Variants in KIF4A observed in about 807,000 individuals in gnomAD.
The protein encoded by KIF4A is kinesin family member 4A.
KIF4A carries 7 observed loss-of-function variants against 105.9 expected under a neutral mutation model. That is an observed-to-expected ratio of 0.07 (90% confidence interval 0.04 to 0.12). KIF4A has a LOEUF of 0.12. Among genes scored for constraint, KIF4A ranks in the 10% least tolerant of loss-of-function variants. The pLI, the probability that KIF4A is intolerant of heterozygous loss-of-function variation, is 1.00. For missense variants in KIF4A, 558 were observed against 929.2 expected, an observed-to-expected ratio of 0.60 and a Z score of 5.19; for synonymous variants, 281 against 331.3, an observed-to-expected ratio of 0.85 and a Z score of 1.65.
At chrX:70,359,154 ATC>A (rs2086063659) in intron 15 of KIF4A, among the ~76,000 whole-genome samples, 1 of 111,999 alleles carries the variant, frequency 8.9e-6, no homozygotes, top group African/African-American at 3.2e-5. Context: ...GTTTGTTGAT[ATC>A]TCTCAACTGC....
chrX:70,358,270 C>T (rs897529713), intron 15 of KIF4A, among the ~76,000 whole-genome samples: 5 of 85,602 alleles, frequency 5.8e-5, no homozygotes, highest in African/African-American at 1.8e-4. Flanking sequence ...GAAATTTGTA[C>T]TCCTTTCTGG....
chrX:70,304,109 T>G (rs1212976372), intron 7 of KIF4A, among the ~76,000 whole-genome samples: 2 of 70,136 alleles, frequency 2.9e-5, no homozygotes, highest in Non-Finnish European at 5.1e-5. Context: ...CCCACAACAG[T>G]CCGCAGAGTG....
chrX:70,334,225 C>T (rs772443554), intron 10 of KIF4A, among the ~76,000 whole-genome samples: 7 of 111,952 alleles, frequency 6.3e-5, no homozygotes, highest in Non-Finnish European at 1.3e-4. Flanking sequence ...GATTTGGGTA[C>T]TAGCGCCAGC....
intron 20 of KIF4A, among the ~76,000 whole-genome samples, chrX:70,391,933 C>T (rs930550884): frequency 5.2e-5 from 5 of 96,596 alleles, no homozygotes; most frequent in Non-Finnish European, 8.5e-5. Context: ...ATTCATGTTA[C>T]TACAAAGGAT....
At chrX:70,395,887 C>T in intron 21 of KIF4A, 61 bp downstream of exon 21, 1 of 1,195,762 alleles carries the variant, frequency 8.4e-7, no homozygotes, top group Non-Finnish European at 1.1e-6. Context: ...CAGAAATCCT[C>T]ATAGCTTTGG....
chrX:70,380,149 C>CA (rs900261867), intron 18 of KIF4A, among the ~76,000 whole-genome samples: 24 of 109,473 alleles, frequency 2.2e-4, no homozygotes, highest in East Asian at 5.7e-4. Flanking sequence ...ACTGAAAATA[C>CA]AAAAAAAAAT....
chrX:70,387,180 T>C lies in KIF4A; in HGVS notation c.2119-4T>C. 8.8e-7 allele frequency: 1 copy of C among 1,131,060 alleles called. No homozygotes were observed. The highest frequency in any genetic ancestry group is 1.2e-6 in the Non-Finnish European group (1 of 840,559). The allele number at this position is 1,131,060 out of a possible 1,213,427, so 93.2% of individuals were successfully genotyped here. ...CAACATTACTATGTGCCAATTTTAT[T>C]TAGGCAGCAGCTGCCAACAAGCGTC... On this transcript the variant is annotated splice_region_variant and splice_polypyrimidine_tract_variant and intron_variant, in intron 19 of 30. Coordinates refer to ENST00000374403, the MANE Select transcript of KIF4A (RefSeq NM_012310.5).
intron 13 of KIF4A, among the ~76,000 whole-genome samples, chrX:70,350,527 G>C (rs1230578297): frequency 1.8e-5 from 2 of 109,159 alleles, no homozygotes; most frequent in African/African-American, 6.7e-5. Context: ...GGGAGGGGGA[G>C]AGGGAGAGGG....
intron 7 of KIF4A, among the ~76,000 whole-genome samples, chrX:70,319,123 C>G (rs6625597): frequency 1.8e-4 from 20 of 109,307 alleles, no homozygotes; most frequent in African/African-American, 6.0e-4. Flanking sequence ...ATTAGTCTGG[C>G]GTGGTGGCGG....
chrX:70,384,566 C>CA (rs1162008663), intron 18 of KIF4A, among the ~76,000 whole-genome samples: 1 of 108,842 alleles, frequency 9.2e-6, no homozygotes, highest in African/African-American at 3.3e-5. Flanking sequence ...ACTAAAAATA[C>CA]AAAAAAAATT....
intron 13 of KIF4A, among the ~76,000 whole-genome samples, 178 bp downstream of exon 13, chrX:70,344,160 A>G (rs183107571): frequency 1.8e-5 from 2 of 112,469 alleles, no homozygotes; most frequent in Admixed American, 1.9e-4. Context: ...AAACACTCAT[A>G]GGTTACATAT....
chrX:70,412,625 T>TA (rs2086326514), intron 28 of KIF4A, among the ~76,000 whole-genome samples: 1 of 111,753 alleles, frequency 8.9e-6, no homozygotes, highest in Non-Finnish European at 1.9e-5. Context: ...CAAGGGTGAC[T>TA]AAGAAGGGCA....
At chrX:70,326,001 C>T (rs1421840104) in intron 7 of KIF4A, among the ~76,000 whole-genome samples, 1 of 111,552 alleles carries the variant, frequency 9.0e-6, no homozygotes, top group Non-Finnish European at 1.9e-5. Context: ...CTAAGATTCT[C>T]TCTCTCCTAA....
At chrX:70,383,468 A>C (rs2086205788) in intron 18 of KIF4A, among the ~76,000 whole-genome samples, 1 of 112,260 alleles carries the variant, frequency 8.9e-6, no homozygotes, top group African/African-American at 3.2e-5. Context: ...ACAGTTTAGC[A>C]GTTTATCAAA....
At chrX:70,310,848 A>G (rs1186367587) in intron 7 of KIF4A, among the ~76,000 whole-genome samples, 2 of 111,537 alleles carry the variant, frequency 1.8e-5, no homozygotes. Flanking sequence ...CATTTTGGCC[A>G]GTCACAGAGG....
rs750847086 is a variant in KIF4A at position 70,407,095 on chromosome X, CT to C, written c.3255+29del. On this transcript the variant is annotated intron_variant, in intron 28 of 30. Transcript: ENST00000374403. ...CAAGGGGTAGGAGCCAGCTCTTCAA[CT>C]TTTTTTTTGTTTTGTTGTTGTTGTT... is the stretch of plus-strand genomic sequence containing the variant. 2.7e-5 allele frequency: 31 copies of C among 1,144,721 alleles called. No individual in the cohort carries two copies. The highest frequency in any genetic ancestry group is 1.6e-4 in the Admixed American group (6 of 36,823). 94.3% of individuals were successfully genotyped at this position (1,144,721 alleles called of 1,213,427 possible). A position where few individuals can be genotyped will look rare whatever the true frequency, so the allele number is the denominator to read the frequency against.
intron 3 of KIF4A, among the ~76,000 whole-genome samples, 177 bp from the exon 4 acceptor site, chrX:70,296,821 T>C (rs2085785167): frequency 8.9e-6 from 1 of 112,675 alleles, no homozygotes; most frequent in African/African-American, 3.2e-5. Flanking sequence ...TTTGCTTATT[T>C]TGAGTAGTGC....
At chrX:70,359,126 T>C (rs1021009910) in intron 15 of KIF4A, among the ~76,000 whole-genome samples, 1 of 112,240 alleles carries the variant, frequency 8.9e-6, no homozygotes, top group African/African-American at 3.2e-5. Context: ...CTTATCCAGC[T>C]GTTTTCTTCT....
chrX:70,346,119 G>A (rs2085991735), intron 13 of KIF4A, among the ~76,000 whole-genome samples: 1 of 111,412 alleles, frequency 9.0e-6, no homozygotes. Context: ...TTTAAAAAGG[G>A]ACTAGACTAT....
Sources: gnomAD v4.1 joint callset for allele counts (sites outside exome capture counted in the v4.1 genomes callset) on GRCh38, gnomAD v4.1.1 for gene constraint, MANE v1.5 for transcripts, NCBI Gene and HGNC (gene_info 2026-07-23, HGNC 2026-07-21) for gene names.